Variants in TAF4 observed in about 807,000 individuals in gnomAD.
The protein encoded by TAF4 is TATA-box binding protein associated factor 4, also known as transcription initiation factor TFIID subunit 4.
Under a neutral mutation model 90.3 loss-of-function variants are expected in TAF4, and 9 were observed. The ratio of observed to expected loss-of-function variants is 0.10; its 90% confidence interval spans 0.06 to 0.17. The LOEUF (loss-of-function observed/expected upper bound fraction) is 0.17. Among genes scored for constraint, TAF4 ranks in the 10% least tolerant of loss-of-function variants. The pLI is 1.00. For synonymous variants in TAF4, 818 were observed against 638.9 expected, an observed-to-expected ratio of 1.28 and a Z score of -4.23; for missense variants, 1,351 against 1,370.7, an observed-to-expected ratio of 0.99 and a Z score of 0.23.
intron 1 of TAF4, among the ~76,000 whole-genome samples, chr20:62,059,802 A>G (rs1174541314): frequency 6.6e-6 from 1 of 152,224 alleles, no homozygotes; most frequent in African/African-American, 2.4e-5. Flanking sequence ...AAATTACCCC[A>G]AATCTCAGGC....
intron 14 of TAF4, chr20:61,979,060 T>C (rs1359390325): frequency 3.3e-5 from 5 of 153,282 alleles, no homozygotes; most frequent in South Asian, 2.1e-4. Flanking sequence ...CAGAATTCTA[T>C]GTGGATTTTG....
chr20:62,046,815 G>T (rs192019317), intron 1 of TAF4, among the ~76,000 whole-genome samples: 3 of 152,276 alleles, frequency 2.0e-5, no homozygotes, highest in Admixed American at 2.0e-4. Context: ...TCATGTCCTG[G>T]AGTCTAACTA....
At chr20:62,009,945 C>A (rs993714306) in intron 4 of TAF4, 101 bp downstream of exon 4, 2 of 1,552,014 alleles carry the variant, frequency 1.3e-6, no homozygotes, top group Non-Finnish European at 1.7e-6. Flanking sequence ...AAGCAGTGAG[C>A]GGTCTGGGAC....
At position 62,065,039 on chromosome 20, in the gene TAF4, G is replaced by T; in HGVS notation, c.772C>A (p.Pro258Thr). The T allele has an allele frequency of 3.3e-6, 2 of 612,930 alleles. No homozygotes were observed. The highest frequency in any genetic ancestry group is 4.0e-6 in the Non-Finnish European group (2 of 499,674). 38.0% of individuals were successfully genotyped at this position (612,930 alleles called of 1,614,324 possible). A position where few individuals can be genotyped will look rare whatever the true frequency, so the allele number is the denominator to read the frequency against. Residue 258 changes from proline to threonine, a missense_variant, in exon 1 of 15, where the codon CCC becomes ACC. Physicochemically the swap from Pro to Thr is conservative, Grantham distance 38 (BLOSUM62 -1). Coordinates refer to ENST00000252996, the MANE Select transcript of TAF4 (RefSeq NM_003185.4). ...GGGGCGGCGGGCGCGGGGGCGGCGG[G>T]GGGCGAGGGCGCGGCGGGCGCGGGG... is the stretch of plus-strand genomic sequence containing the variant. ...APPAPAAPSPPAAPAPAAPAA... is the reference protein window; with the variant it reads ...APPAPAAPSPTAAPAPAAPAA...
In TAF4 at chr20:62,065,867, G is replaced by C. The variant is rs903398943; in HGVS notation, c.-57C>G. 8 of 1,173,536 alleles carry C rather than the reference G, an allele frequency of 6.8e-6. No individual in the cohort carries two copies. The African/African-American group carries it at 8.3e-5, about 12-fold the overall frequency. 72.7% of individuals were successfully genotyped at this position (1,173,536 alleles called of 1,614,324 possible). On this transcript the variant is annotated 5_prime_UTR_variant, in exon 1 of 15. Coordinates refer to ENST00000252996, the MANE Select transcript of TAF4 (RefSeq NM_003185.4). ...CTCGGGCCGAGCGCGCCTGGGCGAG[G>C]AGGAGGTTCCGACTGGGGCGGGCGC...
chr20:62,047,750 C>T (rs1021957756), intron 1 of TAF4, among the ~76,000 whole-genome samples: 8 of 152,370 alleles, frequency 5.3e-5, no homozygotes, highest in Middle Eastern at 3.4e-3. Context: ...CAGCACCAAC[C>T]AGACTTCGCC....
chr20:62,062,275 TTC>T (rs2056093088), intron 1 of TAF4, among the ~76,000 whole-genome samples: 1 of 152,246 alleles, frequency 6.6e-6, no homozygotes, highest in Non-Finnish European at 1.5e-5. Context: ...CAATTTAATA[TTC>T]TCTGATCAAT....
chr20:62,045,963 G>A (rs1389399928), intron 1 of TAF4, among the ~76,000 whole-genome samples: 1 of 152,180 alleles, frequency 6.6e-6, no homozygotes, highest in African/African-American at 2.4e-5. Context: ...TCCAAATACT[G>A]ATTCTCTCCT....
intron 1 of TAF4, 89 bp downstream of exon 1, chr20:62,064,362 T>G (rs1056861215): frequency 1.6e-6 from 2 of 1,258,806 alleles, no homozygotes; most frequent in African/African-American, 3.1e-5. Flanking sequence ...ACAGATGACC[T>G]TAGCATTCCA....
At chr20:62,019,260 C>T (rs1298603831) in intron 1 of TAF4, among the ~76,000 whole-genome samples, 1 of 152,228 alleles carries the variant, frequency 6.6e-6, no homozygotes, top group Admixed American at 6.5e-5. Context: ...TCAGTGTGCA[C>T]CGTGCACTTG....
In TAF4 at chr20:61,974,961, C is replaced by CA; in HGVS notation, c.*1206dup. 6.6e-6 allele frequency: 1 copy of CA among 152,226 alleles called. No homozygotes were observed. The highest frequency in any genetic ancestry group is 2.1e-4 in the South Asian group (1 of 4,812). The allele number at this position is 152,226 out of a possible 1,614,324, so 9.4% of individuals were successfully genotyped here. On this transcript the variant is annotated 3_prime_UTR_variant, in exon 15 of 15. Coordinates refer to ENST00000252996, the MANE Select transcript of TAF4 (RefSeq NM_003185.4). This position sits in a 1 kb window ranked among gnomAD's most constrained non-coding sequence, Gnocchi z 4.1. ...GGAAAGACAGGGATTTCCTAAAAGA[C>CA]AAAATAAAAGGTGTAACAGTTCTCA...
At chr20:62,018,490 C>T (rs947616426) in intron 1 of TAF4, among the ~76,000 whole-genome samples, 3 of 152,246 alleles carry the variant, frequency 2.0e-5, no homozygotes, top group Non-Finnish European at 2.9e-5. Flanking sequence ...ACCTGACCTA[C>T]GAAAGGCAGC....
rs561311302 is a variant in TAF4, at chr20:61,976,452, C to T, written c.3091-117G>A. 30 of 1,237,288 alleles carry T rather than the reference C, an allele frequency of 2.4e-5. No individual in the cohort carries two copies. In the East Asian group the frequency reaches 3.3e-4, roughly 14 times the overall value. The allele number at this position is 1,237,288 out of a possible 1,614,324, so 76.6% of individuals were successfully genotyped here. On this transcript the variant is annotated intron_variant, in intron 14 of 14. Coordinates refer to ENST00000252996, the MANE Select transcript of TAF4 (RefSeq NM_003185.4). ...CAGAGGAGGCCAGGCCTGGCACGGGCTCCTTCCGGTAGGCCCACAGCTGGA... is the reference window on the plus strand; with the variant it reads ...CAGAGGAGGCCAGGCCTGGCACGGGTTCCTTCCGGTAGGCCCACAGCTGGA...
chr20:61,987,037 T>C (rs1483499638), intron 14 of TAF4, among the ~76,000 whole-genome samples: 1 of 152,048 alleles, frequency 6.6e-6, no homozygotes, highest in Non-Finnish European at 1.5e-5. Context: ...AACTCGACAA[T>C]GGAGTAACCA....
chr20:62,031,656 T>C (rs1204809894), intron 1 of TAF4, among the ~76,000 whole-genome samples: 6 of 152,140 alleles, frequency 3.9e-5, no homozygotes, highest in African/African-American at 1.4e-4. Flanking sequence ...TTTCACTCTA[T>C]TCTCCCTCTC....
At chr20:62,003,071 G>A in intron 9 of TAF4, 89 bp downstream of exon 9, 1 of 1,129,492 alleles carries the variant, frequency 8.9e-7, no homozygotes, top group Non-Finnish European at 1.3e-6. Context: ...ACGTGGGAAA[G>A]ACCCGTGGGC....
intron 1 of TAF4, among the ~76,000 whole-genome samples, chr20:62,042,435 G>GA (rs2055968957): frequency 6.6e-6 from 1 of 152,242 alleles, no homozygotes; most frequent in Non-Finnish European, 1.5e-5. Flanking sequence ...CTCGGGTACC[G>GA]AGAGGGCAGG....
chr20:62,000,588 G>A lies in TAF4; in HGVS notation c.2620C>T (p.Leu874Phe). ...ATTCTTCTCTGCAAAGGCGCTTGGA[G>A]GAGGAAGGTTTCATCTTTACAGGAC... The part of the protein sequence containing the change: ...TRSCKDETFL[L>F]QAPLQRRILE... The change falls in exon 10 of 15, where the codon CTC becomes TTC. Residue 874 changes from leucine (L) to phenylalanine (F), a missense_variant. Leu to Phe is a conservative substitution (Grantham distance 22). Around this residue, in one of 9 missense-constraint regions of TAF4, gnomAD observed 95 missense variants for 151.3 expected, o/e 0.63. Transcript: ENST00000252996. The A allele has an allele frequency of 6.2e-7, 1 of 1,614,222 alleles. No homozygotes were observed. Among genetic ancestry groups the A allele is most frequent in the Non-Finnish European group, 8.5e-7 (1 of 1,179,994 alleles).
intron 3 of TAF4, among the ~76,000 whole-genome samples, chr20:62,011,004 A>AG (rs2055774882): frequency 6.6e-6 from 1 of 152,168 alleles, no homozygotes; most frequent in South Asian, 2.1e-4. Context: ...TTCTGAAAGC[A>AG]GGGGGCAGTG....
Sources: gnomAD v4.1 joint callset for allele counts (sites outside exome capture counted in the v4.1 genomes callset) on GRCh38, gnomAD v4.1.1 for gene constraint, gnomAD v4.1.1 regional missense constraint, Gnocchi (gnomAD v3.1) non-coding constraint, MANE v1.5 for transcripts, NCBI Gene and HGNC (gene_info 2026-07-23, HGNC 2026-07-21) for gene names.